Variants in IKZF3 observed in about 807,000 individuals in gnomAD.
IKZF3 encodes IKAROS family zinc finger 3.
In IKZF3, 10 loss-of-function variants were observed where a neutral mutation model predicts 49.0. The observed-to-expected ratio is 0.20, with a 90% confidence interval of 0.13 to 0.35. The LOEUF is 0.35. IKZF3 is among the 10% of genes least tolerant of loss of function. The pLI, the probability that IKZF3 is intolerant of heterozygous loss-of-function variation, is 1.00. For synonymous variants in IKZF3, 209 were observed against 228.2 expected (o/e 0.92, Z 0.76); for missense variants, 498 against 664.8 (o/e 0.75, Z 2.76).
intron 3 of IKZF3, among the ~76,000 whole-genome samples, chr17:39,798,510 T>A (rs1456863743): frequency 6.6e-6 from 1 of 150,944 alleles, no homozygotes. Flanking sequence ...CCTACGTATT[T>A]TTTTTTTTTT....
At chr17:39,847,189 A>G (rs2062658379) in intron 1 of IKZF3, among the ~76,000 whole-genome samples, 1 of 152,194 alleles carries the variant, frequency 6.6e-6, no homozygotes, top group Non-Finnish European at 1.5e-5. Flanking sequence ...TCATTTCTGC[A>G]AAATCCTTTA....
At chr17:39,853,270 T>A (rs1378578905) in intron 1 of IKZF3, among the ~76,000 whole-genome samples, 2 of 152,294 alleles carry the variant, frequency 1.3e-5, no homozygotes, top group South Asian at 4.1e-4. Flanking sequence ...AAAAAAGGTA[T>A]TCAATAAATA....
chr17:39,829,639 C>G, intron 2 of IKZF3, 151 bp from the exon 3 acceptor site: 5 of 588,224 alleles, frequency 8.5e-6, no homozygotes, highest in Non-Finnish European at 1.5e-5. Flanking sequence ...GGGATGTATA[C>G]ATGAAAACTC....
chr17:39,783,355 T>G (rs2060793057), intron 6 of IKZF3, among the ~76,000 whole-genome samples: 1 of 152,198 alleles, frequency 6.6e-6, no homozygotes, highest in Non-Finnish European at 1.5e-5. Flanking sequence ...GGAGTCTCGC[T>G]CTGTTGCCTA....
At chr17:39,847,660 T>C (rs1174125280) in intron 1 of IKZF3, among the ~76,000 whole-genome samples, 1 of 152,112 alleles carries the variant, frequency 6.6e-6, no homozygotes, top group Non-Finnish European at 1.5e-5. Flanking sequence ...AAACGTGGCA[T>C]CAAGCACTCA....
chr17:39,760,110 T>C lies in IKZF3; in HGVS notation c.*5680A>G, dbSNP rs750326637. The C allele has an allele frequency of 6.6e-6, 1 of 151,708 alleles. No homozygotes were observed. The highest frequency in any genetic ancestry group is 1.5e-5 in the Non-Finnish European group (1 of 67,968). 9.4% of individuals were successfully genotyped at this position (151,708 alleles called of 1,614,324 possible). ...CTTAAACATTTCCATTGTGGTCTTA[T>C]CACCTGGGATTATATGTAACAGTAC... On this transcript the variant is annotated 3_prime_UTR_variant, in exon 8 of 8. Transcript: ENST00000346872.
chr17:39,836,159 C>T, intron 1 of IKZF3: 5 of 661,800 alleles, frequency 7.6e-6, no homozygotes, highest in Admixed American at 6.3e-5. Context: ...TTGGGGTCCA[C>T]CTCCAGCTTA....
intron 1 of IKZF3, among the ~76,000 whole-genome samples, chr17:39,861,870 G>A (rs1487032608): frequency 6.6e-6 from 1 of 152,114 alleles, no homozygotes; most frequent in Non-Finnish European, 1.5e-5. Context: ...TATCTCTTAT[G>A]TACCTTGCTT....
At chr17:39,856,642 C>T (rs1199197527) in intron 1 of IKZF3, among the ~76,000 whole-genome samples, 2 of 151,886 alleles carry the variant, frequency 1.3e-5, no homozygotes, top group Non-Finnish European at 2.9e-5. Flanking sequence ...ACTGTCTCTA[C>T]TAAAAATACA....
At chr17:39,850,373 G>A (rs1188094823) in intron 1 of IKZF3, among the ~76,000 whole-genome samples, 1 of 127,182 alleles carries the variant, frequency 7.9e-6, no homozygotes, top group African/African-American at 3.0e-5. Context: ...TATTATATAT[G>A]TATATATAAT....
At chr17:39,820,886 C>T (rs1326841360) in intron 3 of IKZF3, among the ~76,000 whole-genome samples, 1 of 152,114 alleles carries the variant, frequency 6.6e-6, no homozygotes, top group African/African-American at 2.4e-5. Flanking sequence ...GTCCTATAAA[C>T]GTTCTTGAAC....
chr17:39,791,298 T>C, intron 5 of IKZF3, 118 bp downstream of exon 5: 2 of 1,079,362 alleles, frequency 1.9e-6, no homozygotes, highest in Non-Finnish European at 2.7e-6. Context: ...TCTGCTGTTG[T>C]AACCCTTCAG....
At chr17:39,828,625 G>A (rs1206340450) in intron 3 of IKZF3, among the ~76,000 whole-genome samples, 1 of 152,188 alleles carries the variant, frequency 6.6e-6, no homozygotes, top group Non-Finnish European at 1.5e-5. Context: ...GTCTAAAGTA[G>A]GGAGAGTACT....
At chr17:39,777,936 G>A (rs767378965) in intron 6 of IKZF3, 169 bp from the exon 7 acceptor site, 18 of 1,331,118 alleles carry the variant, frequency 1.4e-5, no homozygotes, top group Non-Finnish European at 1.7e-5. Context: ...GGTCAGTGAA[G>A]CCGACACCAG....
At chr17:39,813,656 G>A (rs1198971708) in intron 3 of IKZF3, among the ~76,000 whole-genome samples, 2 of 151,932 alleles carry the variant, frequency 1.3e-5, no homozygotes, top group South Asian at 4.2e-4. Context: ...AAGATTCAGG[G>A]AGAGATGTCT....
At chr17:39,804,059 T>G (rs550565684) in intron 3 of IKZF3, among the ~76,000 whole-genome samples, 3 of 152,192 alleles carry the variant, frequency 2.0e-5, no homozygotes. Flanking sequence ...ATCTCCCATA[T>G]AGACTAGGAG....
intron 7 of IKZF3, among the ~76,000 whole-genome samples, chr17:39,768,176 A>G (rs1430953596): frequency 6.6e-6 from 1 of 152,254 alleles, no homozygotes; most frequent in East Asian, 1.9e-4. Context: ...ATAAGGTAAC[A>G]TACAGGCATC....
intron 7 of IKZF3, among the ~76,000 whole-genome samples, chr17:39,772,763 T>C (rs1353075623): frequency 6.6e-6 from 1 of 152,206 alleles, no homozygotes; most frequent in Non-Finnish European, 1.5e-5. Flanking sequence ...TGTTCTTTTC[T>C]AAAGAGAATC....
intron 1 of IKZF3, among the ~76,000 whole-genome samples, chr17:39,856,808 AAAT>A (rs150061512): frequency 5.3e-5 from 8 of 151,150 alleles, no homozygotes; most frequent in Non-Finnish European, 5.9e-5. Flanking sequence ...CTCCATCTCA[AAAT>A]AATAATAATA....
Sources: allele counts gnomAD v4.1 joint callset (sites outside exome capture counted in the v4.1 genomes callset), GRCh38; gene constraint gnomAD v4.1.1; transcripts MANE v1.5; gene names NCBI Gene and HGNC (gene_info 2026-07-23, HGNC 2026-07-21).